Variants in DENND3 observed in about 807,000 individuals in gnomAD.
DENND3 encodes DENN domain-containing protein 3.
DENND3 carries 88 observed loss-of-function variants against 135.1 expected under a neutral mutation model. That is an observed-to-expected ratio of 0.65 (90% CI 0.55 to 0.78). The LOEUF is 0.78. DENND3 is among the 30% of genes least tolerant of loss of function. The probability of loss-of-function intolerance (pLI) is 0.00; values close to 1 mark genes in which losing one functional copy is unlikely to be tolerated. For missense variants in DENND3, 1,392 were observed against 1,688.4 expected (o/e 0.82, Z 3.08); for synonymous variants, 693 against 712.3 (o/e 0.97, Z 0.43).
intron 13 of DENND3, among the ~76,000 whole-genome samples, chr8:141,169,863 G>A: frequency 6.6e-6 from 1 of 152,230 alleles, no homozygotes; most frequent in East Asian, 1.9e-4. Flanking sequence ...CACTGCCTGT[G>A]CTGTATGTAG....
Position 141,128,617 on chromosome 8 carries a change from C to T in DENND3, c.-91C>T, listed in dbSNP as rs916808687. 1.7e-5 allele frequency: 13 copies of T among 767,922 alleles called. No individual in the cohort carries two copies. The highest frequency in any genetic ancestry group is 4.9e-5 in the Admixed American group (1 of 20,310). The allele number at this position is 767,922 out of a possible 1,614,324, so 47.6% of individuals were successfully genotyped here. A position where few individuals can be genotyped will look rare whatever the true frequency, so the allele number is the denominator to read the frequency against. On this transcript the variant is annotated 5_prime_UTR_variant, in exon 1 of 23. Coordinates refer to ENST00000519811, the MANE Select transcript of DENND3 (RefSeq NM_001352890.3). The surrounding 1 kb of genome is among the most constrained non-coding windows in gnomAD (Gnocchi z 4.5). ...GACGGCGCTCGCAGCGCCCCCGGCC[C>T]CCAGGCGGCGCGGCTGGTCCCCAGG...
intron 22 of DENND3, chr8:141,192,981 G>C: frequency 9.2e-7 from 1 of 1,087,482 alleles, no homozygotes; most frequent in Non-Finnish European, 1.2e-6. Context: ...CGCTTCCCTC[G>C]GGGGCTCGGG....
chr8:141,162,903 G>T (rs1004065375), intron 9 of DENND3, among the ~76,000 whole-genome samples: 4 of 152,230 alleles, frequency 2.6e-5, no homozygotes, highest in African/African-American at 9.6e-5. Context: ...CATAGAGCAA[G>T]ACCCCGTCTA....
chr8:141,176,932 C>G lies in DENND3; in HGVS notation c.2706+171C>G, dbSNP rs190033223. On this transcript the variant is annotated intron_variant, in intron 15 of 22. Transcript: ENST00000519811. Reference sequence around the variant, plus strand: ...TTGACAGAAGCATTGAAGATGTGGTCTGTGTGACCCAGCGAGAGGCCTCAC... The same window carrying G: ...TTGACAGAAGCATTGAAGATGTGGTGTGTGTGACCCAGCGAGAGGCCTCAC... Among the ~76,000 whole-genome samples, 4 of 152,340 alleles carry G rather than the reference C, an allele frequency of 2.6e-5. No individual in the cohort carries two copies. The East Asian group carries it at 7.7e-4, about 29-fold the overall frequency.
rs1192545886 is a variant in DENND3, at chr8:141,139,609, G to A, written c.501+1472G>A. ...TTCCAGATGAGAAAGGATCCACGAT[G>A]TTGGATCTTTCAGAAAAGCACCTTG... On this transcript the variant is annotated intron_variant, in intron 3 of 22. Coordinates refer to ENST00000519811, the MANE Select transcript of DENND3 (RefSeq NM_001352890.3). The surrounding 1 kb of genome is among the most constrained non-coding windows in gnomAD (Gnocchi z 4.2). 6.6e-6 allele frequency among the ~76,000 whole-genome samples: 1 copy of A among 152,246 alleles called. No individual in the cohort carries two copies. The highest frequency in any genetic ancestry group is 1.5e-5 in the Non-Finnish European group (1 of 68,042).
At chr8:141,172,119 G>C (rs966980987) in intron 13 of DENND3, among the ~76,000 whole-genome samples, 1 of 148,902 alleles carries the variant, frequency 6.7e-6, no homozygotes, top group Non-Finnish European at 1.5e-5. Flanking sequence ...GGTGGTGGGC[G>C]TGCACGGTGG....
intron 22 of DENND3, chr8:141,193,039 C>T (rs539431057): frequency 1.4e-5 from 8 of 555,156 alleles, no homozygotes; most frequent in Admixed American, 1.2e-4. Flanking sequence ...CTCATGTGGC[C>T]GCCGTCCTTG....
Position 141,175,623 on chromosome 8 carries a change from A to G in DENND3, c.2535+164A>G. 2 of 1,017,890 alleles carry G rather than the reference A, an allele frequency of 2.0e-6. No individual in the cohort carries two copies. Among genetic ancestry groups the G allele is most frequent in the Non-Finnish European group, 1.5e-6 (1 of 672,834 alleles). 63.1% of individuals were successfully genotyped at this position (1,017,890 alleles called of 1,614,324 possible). ...TCAGTTTGCTCATCTGTAAAGTAGG[A>G]ATAAGGCTGATACCTTCTCAGTGGG... On this transcript the variant is annotated intron_variant, in intron 14 of 22. Transcript: ENST00000519811. This position sits in a 1 kb window ranked among gnomAD's most constrained non-coding sequence, Gnocchi z 5.4.
At chr8:141,131,357 G>A (rs1008318000) in intron 1 of DENND3, among the ~76,000 whole-genome samples, 1 of 152,156 alleles carries the variant, frequency 6.6e-6, no homozygotes, top group Admixed American at 6.5e-5. Context: ...AGTACCTTGC[G>A]TAGTACAGGT....
Position 141,141,116 on chromosome 8 carries a change from T to C in DENND3, c.502-87T>C, listed in dbSNP as rs1307226283. 4 of 1,594,282 alleles carry C rather than the reference T, an allele frequency of 2.5e-6. No homozygotes were observed. The African/African-American group carries it at 5.4e-5, about 21-fold the overall frequency. The stretch of plus-strand genomic sequence containing the variant: ...TGGGGATGGTGGACTCTCAGCTTGC[T>C]GTGTGCTGAAACGTGACCCAGTTGG... On this transcript the variant is annotated intron_variant, in intron 3 of 22. Transcript: ENST00000519811. This position sits in a 1 kb window ranked among gnomAD's most constrained non-coding sequence, Gnocchi z 5.3.
At chr8:141,134,519 G>A (rs1359680510) in intron 1 of DENND3, among the ~76,000 whole-genome samples, 1 of 151,802 alleles carries the variant, frequency 6.6e-6, no homozygotes, top group Non-Finnish European at 1.5e-5. Context: ...TCCTGACCTC[G>A]TGATCTGCCT....
rs1825221765 is a variant in DENND3, at chr8:141,195,397, G to T, written c.*1164G>T. ...GGCTGGCGCATCCTGAGGGTCTCTG[G>T]GGGTGTTTGCCAGGCTCCTGGGATG... is the stretch of plus-strand genomic sequence containing the variant. On this transcript the variant is annotated 3_prime_UTR_variant, in exon 23 of 23. Transcript: ENST00000519811. 6.6e-6 allele frequency: 1 copy of T among 152,288 alleles called. No individual in the cohort carries two copies. The highest frequency in any genetic ancestry group is 2.4e-5 in the African/African-American group (1 of 41,462). 9.4% of individuals were successfully genotyped at this position (152,288 alleles called of 1,614,324 possible).
intron 10 of DENND3, 47 bp from the exon 11 acceptor site, chr8:141,165,139 C>A: frequency 6.7e-7 from 1 of 1,489,606 alleles, no homozygotes; most frequent in Non-Finnish European, 9.4e-7. Flanking sequence ...GAGCAGGGAC[C>A]TGGGGAGTCG....
chr8:141,164,010 C>T (rs1001600519), intron 10 of DENND3, among the ~76,000 whole-genome samples: 1 of 151,970 alleles, frequency 6.6e-6, no homozygotes, highest in African/African-American at 2.4e-5. Flanking sequence ...ATCACCACTT[C>T]CTCAACCTGG....
chr8:141,194,209 A>G lies in DENND3; in HGVS notation c.3813A>G (p.Lys1271=), dbSNP rs2154613626. ...VLSGSGREEG[K]VAIWKGE ...GTGGGTCGGGCAGGGAGGAGGGGAA[A>G]GTCGCCATTTGGAAAGGCGAATAAA... is the stretch of plus-strand genomic sequence containing the variant. Residue 1271 remains lysine (K), a synonymous_variant, in exon 23 of 23, where the codon AAA becomes AAG. Coordinates refer to ENST00000519811, the MANE Select transcript of DENND3 (RefSeq NM_001352890.3). 1 of 1,613,062 alleles carries G rather than the reference A, an allele frequency of 6.2e-7. No homozygotes were observed. The highest frequency in any genetic ancestry group is 1.7e-4 in the Middle Eastern group (1 of 6,056).
chr8:141,129,880 C>T (rs1172437643), intron 1 of DENND3: 1 of 152,230 alleles, frequency 6.6e-6, no homozygotes, highest in African/African-American at 2.4e-5. Context: ...AAGCCAGTTT[C>T]GACTTCAGTG....
Position 141,138,195 on chromosome 8 carries a change from A to G in DENND3, c.501+58A>G. The G allele has an allele frequency of 6.7e-7, 1 of 1,487,388 alleles. No individual in the cohort carries two copies. The highest frequency in any genetic ancestry group is 1.4e-5 in the African/African-American group (1 of 72,044). 92.1% of individuals were successfully genotyped at this position (1,487,388 alleles called of 1,614,324 possible). On this transcript the variant is annotated intron_variant, in intron 3 of 22. Coordinates refer to ENST00000519811, the MANE Select transcript of DENND3 (RefSeq NM_001352890.3). The surrounding 1 kb of genome is among the most constrained non-coding windows in gnomAD (Gnocchi z 4.8). ...GGGTTTAGATTTTTTATTATGGTGAAATACACATAACACAACATTCACCAT... is the reference window on the plus strand; with the variant it reads ...GGGTTTAGATTTTTTATTATGGTGAGATACACATAACACAACATTCACCAT...
chr8:141,175,141 T>G lies in DENND3; in HGVS notation c.2276-59T>G. 1 of 1,552,702 alleles carries G rather than the reference T, an allele frequency of 6.4e-7. No individual in the cohort carries two copies. The highest frequency in any genetic ancestry group is 8.7e-7 in the Non-Finnish European group (1 of 1,151,760). ...GTTTCTTCAGGTCATGGAGAAGCCC[T>G]TGGGGCTCCCGAGGTATGTGGCTGT... On this transcript the variant is annotated intron_variant, in intron 13 of 22. Coordinates refer to ENST00000519811, the MANE Select transcript of DENND3 (RefSeq NM_001352890.3). This position sits in a 1 kb window ranked among gnomAD's most constrained non-coding sequence, Gnocchi z 5.4.
Position 141,182,562 on chromosome 8 carries a change from C to T in DENND3, c.2944+1708C>T, listed in dbSNP as rs533325876. On this transcript the variant is annotated intron_variant, in intron 17 of 22. Transcript: ENST00000519811. This position sits in a 1 kb window ranked among gnomAD's most constrained non-coding sequence, Gnocchi z 5.9. ...TTCCTGTTGTGACGGGCGAGGAGTT[C>T]AGGCGGCTTCCCCTCCAGGAGCATC... 1 of 913,322 alleles carries T rather than the reference C, an allele frequency of 1.1e-6. No homozygotes were observed. The highest frequency in any genetic ancestry group is 1.8e-5 in the African/African-American group (1 of 55,550). 56.6% of individuals were successfully genotyped at this position (913,322 alleles called of 1,614,324 possible). A position where few individuals can be genotyped will look rare whatever the true frequency, so the allele number is the denominator to read the frequency against.
Sources: gnomAD v4.1 joint callset for allele counts (sites outside exome capture counted in the v4.1 genomes callset) on GRCh38, gnomAD v4.1.1 for gene constraint, Gnocchi (gnomAD v3.1) non-coding constraint, MANE v1.5 for transcripts, NCBI Gene and HGNC (gene_info 2026-07-23, HGNC 2026-07-21) for gene names.